ROBO1: variants seen among roughly 807,000 people sequenced by gnomAD.
ROBO1 encodes roundabout homolog 1.
In ROBO1, 149 loss-of-function variants were observed where a neutral mutation model predicts 195.9. The ratio of observed to expected loss-of-function variants is 0.76; its 90% CI spans 0.67 to 0.87. The LOEUF is 0.87. Among genes scored for constraint, ROBO1 ranks in the 40% least tolerant of loss-of-function variants. ROBO1 has a pLI of 0.00. For missense variants in ROBO1, 1,933 were observed against 2,068.3 expected (o/e 0.93, Z 1.27); for synonymous variants, 816 against 733.2 (o/e 1.11, Z -1.82).
At chr3:78,916,542 T>C (rs1477888277) in intron 4 of ROBO1, among the ~76,000 whole-genome samples, 1 of 139,932 alleles carries the variant, frequency 7.1e-6, no homozygotes, top group East Asian at 2.0e-4. Context: ...ACAGAGCAAG[T>C]ATCTGTCTCA....
chr3:79,428,820 A>G (rs1168234097), intron 2 of ROBO1, among the ~76,000 whole-genome samples: 5 of 152,096 alleles, frequency 3.3e-5, no homozygotes, highest in African/African-American at 4.8e-5. Context: ...TACATGCAAC[A>G]CCATGGATGG....
intron 2 of ROBO1, among the ~76,000 whole-genome samples, chr3:79,544,112 A>T (rs574027031): frequency 1.3e-5 from 2 of 152,228 alleles, no homozygotes; most frequent in East Asian, 3.9e-4. Context: ...CAGAAGACTG[A>T]AAAAAGAAAA....
chr3:78,634,468 G>A, intron 23 of ROBO1: 1 of 328,980 alleles, frequency 3.0e-6, no homozygotes. Context: ...CTTGCCACTG[G>A]AATGTAGTCA....
At chr3:78,808,792 A>T (rs1198137833) in intron 4 of ROBO1, among the ~76,000 whole-genome samples, 1 of 152,204 alleles carries the variant, frequency 6.6e-6, no homozygotes, top group Admixed American at 6.5e-5. Flanking sequence ...CTGGCAAGCC[A>T]TATGCAGAAA....
At chr3:79,200,210 T>G (rs1323563147) in intron 2 of ROBO1, among the ~76,000 whole-genome samples, 2 of 151,782 alleles carry the variant, frequency 1.3e-5, no homozygotes, top group African/African-American at 2.4e-5. Flanking sequence ...CGCAGTCTTG[T>G]GGTTAGCAAT....
chr3:79,358,785 C>T (rs1577018535), intron 2 of ROBO1, among the ~76,000 whole-genome samples: 1 of 152,120 alleles, frequency 6.6e-6, no homozygotes, highest in East Asian at 1.9e-4. Context: ...GAATGATACT[C>T]TTCCTGCATA....
At chr3:79,608,921 C>A (rs1444958091) in intron 1 of ROBO1, among the ~76,000 whole-genome samples, 5 of 151,826 alleles carry the variant, frequency 3.3e-5, no homozygotes, top group Admixed American at 2.6e-4. Context: ...GAGGGCACTT[C>A]CCTTGTGAAT....
rs756241090 is a variant in ROBO1 at position 79,202,348 on chromosome 3, GC to G, written c.89-76810del. Among the ~76,000 whole-genome samples, 12 of 151,998 alleles carry G rather than the reference GC, an allele frequency of 7.9e-5. No homozygotes were observed. In the East Asian group the frequency reaches 1.4e-3, roughly 17 times the overall value. On this transcript the variant is annotated intron_variant, in intron 2 of 30. Coordinates refer to ENST00000464233, the MANE Select transcript of ROBO1 (RefSeq NM_002941.4). ...AACATCCCTGGATTTTACACATGAA[GC>G]CTAAAAATCATCTAATGGAATCTAA... is the stretch of plus-strand genomic sequence containing the variant.
chr3:79,402,788 T>C (rs898516145), intron 2 of ROBO1, among the ~76,000 whole-genome samples: 2 of 151,982 alleles, frequency 1.3e-5, no homozygotes, highest in African/African-American at 2.4e-5. Context: ...AACTTTTTAA[T>C]TGTTTTCTCC....
chr3:78,749,902 G>A (rs568826106), intron 4 of ROBO1, among the ~76,000 whole-genome samples: 1 of 152,010 alleles, frequency 6.6e-6, no homozygotes, highest in South Asian at 2.1e-4. Flanking sequence ...TGTCAAAAAG[G>A]TCTAATACTA....
At chr3:78,940,130 A>G (rs1421979333) in intron 3 of ROBO1, among the ~76,000 whole-genome samples, 1 of 152,192 alleles carries the variant, frequency 6.6e-6, no homozygotes, top group East Asian at 1.9e-4. Flanking sequence ...GCCCTCATCT[A>G]GTGTTTCAAG....
chr3:79,732,169 A>G (rs1243840988), intron 1 of ROBO1, among the ~76,000 whole-genome samples: 1 of 151,972 alleles, frequency 6.6e-6, no homozygotes, highest in African/African-American at 2.4e-5. Context: ...GTATGTAAAC[A>G]TACCTAAACA....
chr3:79,612,692 T>C (rs2107928587), intron 1 of ROBO1, among the ~76,000 whole-genome samples: 1 of 143,660 alleles, frequency 7.0e-6, no homozygotes, highest in Admixed American at 7.0e-5. Context: ...CCAGCACCTG[T>C]TGTTTCCTGA....
At position 78,638,132 on chromosome 3, in the gene ROBO1, A is replaced by T. The variant is rs539938565; in HGVS notation, c.3037+1612T>A. 9.9e-5 allele frequency among the ~76,000 whole-genome samples: 15 copies of T among 151,478 alleles called. No homozygotes were observed. In the South Asian group the frequency reaches 3.1e-3, roughly 31 times the overall value. On this transcript the variant is annotated intron_variant, in intron 22 of 30. Transcript: ENST00000464233. ...CTCACACATACATCTGACTCAAAAAACAAACAATAGAAAATAAATGTATGC... is the reference window on the plus strand; with the variant it reads ...CTCACACATACATCTGACTCAAAAATCAAACAATAGAAAATAAATGTATGC...
chr3:79,503,789 C>T (rs937669777), intron 2 of ROBO1, among the ~76,000 whole-genome samples: 1 of 152,086 alleles, frequency 6.6e-6, no homozygotes, highest in Non-Finnish European at 1.5e-5. Flanking sequence ...AAGACAATGG[C>T]TATTGTCTGG....
rs568785020 is a variant in ROBO1 at position 79,519,509 on chromosome 3, G to A, written c.88+70315C>T. On this transcript the variant is annotated intron_variant, in intron 2 of 30. Coordinates refer to ENST00000464233, the MANE Select transcript of ROBO1 (RefSeq NM_002941.4). ...CCGGGCGTGGTGGCGGGCGCCTGTA[G>A]TCTCAGCTATTCGAGAGGCTGAGGC... Among the ~76,000 whole-genome samples, 218 of 150,952 alleles carry A rather than the reference G, an allele frequency of 1.4e-3. 1 individual carries two copies. Among genetic ancestry groups the A allele is most frequent in the African/African-American group, 5.1e-3 (209 of 41,178 alleles).
Position 79,572,473 on chromosome 3 carries a change from G to A in ROBO1, c.88+17351C>T, listed in dbSNP as rs570366865. Reference sequence around the variant, plus strand: ...AAATTAATAAAAACTAAGAGAAGGTGTGTTTAGGTAATATATATATAATAA... The same window carrying A: ...AAATTAATAAAAACTAAGAGAAGGTATGTTTAGGTAATATATATATAATAA... On this transcript the variant is annotated intron_variant, in intron 2 of 30. Transcript: ENST00000464233. Among the ~76,000 whole-genome samples, 6 of 152,010 alleles carry A rather than the reference G, an allele frequency of 3.9e-5. No individual in the cohort carries two copies. In the South Asian group the frequency reaches 1.2e-3, roughly 32 times the overall value.
intron 1 of ROBO1, among the ~76,000 whole-genome samples, chr3:79,715,423 G>A (rs1366475188): frequency 6.6e-6 from 1 of 152,082 alleles, no homozygotes; most frequent in South Asian, 2.1e-4. Context: ...CCAGATGGAG[G>A]CGAGACACTC....
intron 1 of ROBO1, among the ~76,000 whole-genome samples, chr3:79,717,926 T>C (rs1702553718): frequency 6.6e-6 from 1 of 151,994 alleles, no homozygotes; most frequent in Non-Finnish European, 1.5e-5. Flanking sequence ...TCAATGCTTT[T>C]TGATTTTTGG....
Sources: gnomAD v4.1 joint callset for allele counts (sites outside exome capture counted in the v4.1 genomes callset) on GRCh38, gnomAD v4.1.1 for gene constraint, MANE v1.5 for transcripts, NCBI Gene and HGNC (gene_info 2026-07-23, HGNC 2026-07-21) for gene names.